Variants in WWOX observed in about 807,000 individuals in gnomAD.
The protein encoded by WWOX is WW domain-containing oxidoreductase.
Under a neutral mutation model 46.2 loss-of-function variants are expected in WWOX, and 69 were observed. That is an observed-to-expected ratio of 1.49 (90% CI 1.23 to 1.82). WWOX has a LOEUF of 1.82. Ranked by LOEUF, WWOX falls within the 40% of genes most tolerant of loss-of-function variation. The pLI is 0.00. For synonymous variants in WWOX, 359 were observed against 202.6 expected (o/e 1.77, Z -6.56); for missense variants, 919 against 542.6 (o/e 1.69, Z -6.89).
At chr16:78,408,389 A>G (rs182293704) in intron 6 of WWOX, among the ~76,000 whole-genome samples, 44 of 152,272 alleles carry the variant, frequency 2.9e-4, no homozygotes, top group African/African-American at 8.9e-4. Flanking sequence ...ACATGGGGCA[A>G]CTTTACTGCC....
At chr16:78,630,733 G>C (rs1185787464) in intron 8 of WWOX, among the ~76,000 whole-genome samples, 1 of 152,102 alleles carries the variant, frequency 6.6e-6, no homozygotes, top group Non-Finnish European at 1.5e-5. Context: ...TGAGTCTTAT[G>C]AGTCTTCCTT....
At position 78,500,780 on chromosome 16, in the gene WWOX, G is replaced by A. The variant is rs564586932; in HGVS notation, c.1056+68028G>A. On this transcript the variant is annotated intron_variant, in intron 8 of 8. Coordinates refer to ENST00000566780, the MANE Select transcript of WWOX (RefSeq NM_016373.4). ...GCTTTTTTCTATGATGAATTATTCAGGCAGTGTTTACCAAAATTGTCATTG... is the reference window on the plus strand; with the variant it reads ...GCTTTTTTCTATGATGAATTATTCAAGCAGTGTTTACCAAAATTGTCATTG... Among the ~76,000 whole-genome samples, 7 of 152,262 alleles carry A rather than the reference G, an allele frequency of 4.6e-5. No individual in the cohort carries two copies. The East Asian group carries it at 1.4e-3, about 29-fold the overall frequency.
intron 8 of WWOX, among the ~76,000 whole-genome samples, chr16:78,958,616 C>T (rs1008290042): frequency 7.2e-5 from 11 of 152,294 alleles, no homozygotes; most frequent in South Asian, 4.1e-4. Flanking sequence ...ACTAGAAATG[C>T]GAGTCCATCC....
chr16:79,033,336 A>G (rs1008376419), intron 8 of WWOX, among the ~76,000 whole-genome samples: 7 of 148,796 alleles, frequency 4.7e-5, no homozygotes, highest in African/African-American at 7.3e-5. Context: ...TATTATATAT[A>G]TTACATATAC....
At chr16:78,898,453 A>G (rs1314262248) in intron 8 of WWOX, 1 of 152,106 alleles carries the variant, frequency 6.6e-6, no homozygotes, top group Admixed American at 6.5e-5. Flanking sequence ...AGTTGACTAT[A>G]TATGTGTGGG....
intron 8 of WWOX, among the ~76,000 whole-genome samples, chr16:78,968,091 C>CTGCATGGCACAG (rs2046396851): frequency 7.4e-6 from 1 of 135,282 alleles, no homozygotes; most frequent in African/African-American, 2.7e-5. Context: ...AGTGCATGGT[C>CTGCATGGCACAG]CGCATGGCAC....
Position 79,211,916 on chromosome 16 carries a change from AAG to A in WWOX, c.*123_*124del, listed in dbSNP as rs1375414001. On this transcript the variant is annotated 3_prime_UTR_variant, in exon 9 of 9. Transcript: ENST00000566780. Reference sequence around the variant, plus strand: ...ACAGATCCGCAAGAGTAAAGGAAATAAGAGCAGTCACAACAGAGTGAAAAATC... The same window carrying A: ...ACAGATCCGCAAGAGTAAAGGAAATAAGCAGTCACAACAGAGTGAAAAATC... The A allele has an allele frequency of 1.2e-5, 18 of 1,545,562 alleles. No individual in the cohort carries two copies. The highest frequency in any genetic ancestry group is 2.0e-5 in the Admixed American group (1 of 51,272).
At chr16:78,596,448 C>T (rs904638598) in intron 8 of WWOX, among the ~76,000 whole-genome samples, 3 of 152,022 alleles carry the variant, frequency 2.0e-5, no homozygotes, top group African/African-American at 4.8e-5. Context: ...CAACCCACAG[C>T]AGGAATAGCC....
Position 78,962,971 on chromosome 16 carries a change from T to C in WWOX, c.1057-248637T>C, listed in dbSNP as rs1009892551. 2.2e-4 allele frequency among the ~76,000 whole-genome samples: 33 copies of C among 152,226 alleles called. 2 individuals are homozygous for C. Among genetic ancestry groups the C allele is most frequent in the Non-Finnish European group, 4.4e-5 (3 of 68,032 alleles). ...GCCCACGATATTTCATTCTTTATTG[T>C]CATTCTTCTTTCTCTGCCACTGCCA... On this transcript the variant is annotated intron_variant, in intron 8 of 8. Coordinates refer to ENST00000566780, the MANE Select transcript of WWOX (RefSeq NM_016373.4).
rs112211474 is a variant in WWOX at position 78,767,482 on chromosome 16, C to CTT, written c.1056+334731_1056+334732insTT. 1.4e-4 allele frequency among the ~76,000 whole-genome samples: 20 copies of CTT among 143,124 alleles called. No individual in the cohort carries two copies. In the South Asian group the frequency reaches 3.4e-3, roughly 25 times the overall value. The allele number at this position is 143,124 out of a possible 152,430, so 93.9% of individuals were successfully genotyped here. ...TGTTTCTGTGTGAGTGTGTGTGTGT[C>CTT]TGTGTGTGTGTGTGTGTGTGTGTGT... is the stretch of plus-strand genomic sequence containing the variant. On this transcript the variant is annotated intron_variant, in intron 8 of 8. Coordinates refer to ENST00000566780, the MANE Select transcript of WWOX (RefSeq NM_016373.4).
chr16:78,754,985 G>T (rs1245615247), intron 8 of WWOX, among the ~76,000 whole-genome samples: 1 of 149,296 alleles, frequency 6.7e-6, no homozygotes, highest in Non-Finnish European at 1.5e-5. Flanking sequence ...GAATACACAG[G>T]AGTTGAACAA....
intron 8 of WWOX, among the ~76,000 whole-genome samples, chr16:79,124,449 G>A (rs2150682485): frequency 6.6e-6 from 1 of 152,288 alleles, no homozygotes; most frequent in South Asian, 2.1e-4. Flanking sequence ...TACGTTAAGG[G>A]AAAGGAAGAC....
At chr16:78,692,334 TA>T (rs1285331539) in intron 8 of WWOX, among the ~76,000 whole-genome samples, 3 of 152,186 alleles carry the variant, frequency 2.0e-5, no homozygotes, top group African/African-American at 4.8e-5. Flanking sequence ...TGAAAGGACT[TA>T]AAGAAACCAT....
chr16:78,658,005 C>T (rs538515347), intron 8 of WWOX, among the ~76,000 whole-genome samples: 2 of 152,178 alleles, frequency 1.3e-5, no homozygotes, highest in African/African-American at 4.8e-5. Context: ...CCTGGAGTTT[C>T]TCAACCTTGG....
intron 8 of WWOX, among the ~76,000 whole-genome samples, chr16:78,576,999 C>A (rs1052386835): frequency 3.3e-5 from 5 of 152,204 alleles, no homozygotes; most frequent in African/African-American, 1.2e-4. Context: ...TGCTGCAGAA[C>A]AAATCACCCC....
At chr16:78,963,859 G>C (rs1431559166) in intron 8 of WWOX, among the ~76,000 whole-genome samples, 1 of 152,192 alleles carries the variant, frequency 6.6e-6, no homozygotes, top group Non-Finnish European at 1.5e-5. Context: ...TTGTGGGAGG[G>C]ACCCAGGGAG....
chr16:78,662,238 ACCT>A (rs1407193701), intron 8 of WWOX, among the ~76,000 whole-genome samples: 1 of 152,046 alleles, frequency 6.6e-6, no homozygotes, highest in African/African-American at 2.4e-5. Flanking sequence ...AGATCTTAGA[ACCT>A]CCTGCTATCT....
At chr16:78,965,611 A>G (rs985735667) in intron 8 of WWOX, among the ~76,000 whole-genome samples, 2 of 151,824 alleles carry the variant, frequency 1.3e-5, no homozygotes, top group African/African-American at 4.8e-5. Flanking sequence ...TACACAGTCT[A>G]ATGCTTTCCA....
chr16:79,149,188 T>C (rs1355308233), intron 8 of WWOX, among the ~76,000 whole-genome samples: 3 of 152,226 alleles, frequency 2.0e-5, no homozygotes, highest in East Asian at 1.9e-4. Flanking sequence ...ATGTTCTTTA[T>C]CAAGTTGAAG....
Sources: allele counts gnomAD v4.1 joint callset (sites outside exome capture counted in the v4.1 genomes callset), GRCh38; gene constraint gnomAD v4.1.1; transcripts MANE v1.5; gene names NCBI Gene and HGNC (gene_info 2026-07-23, HGNC 2026-07-21).